PKHD1: variants seen among roughly 807,000 people sequenced by gnomAD.
PKHD1 encodes the protein fibrocystin.
A neutral mutation model predicts 412.0 loss-of-function variants in PKHD1; 291 were observed. The ratio of observed to expected loss-of-function variants is 0.71; its 90% CI spans 0.64 to 0.78. The LOEUF (loss-of-function observed/expected upper bound fraction) is 0.78. PKHD1 is among the 30% of genes least tolerant of loss of function. PKHD1 has a pLI of 0.00. For synonymous variants in PKHD1, 1,777 were observed against 1,821.5 expected (o/e 0.98, Z 0.62); for missense variants, 4,825 against 4,950.7 (o/e 0.97, Z 0.76).
chr6:52,017,467 A>T lies in PKHD1; in HGVS notation c.5543T>A (p.Phe1848Tyr). The change falls in exon 34 of 67, where the codon TTT becomes TAT. Residue 1848 changes from phenylalanine to tyrosine, a missense_variant. Physicochemically the swap from Phe to Tyr is conservative, Grantham distance 22. Transcript: ENST00000371117. ...TGACTCTGCCCAATGATCTGGCACA[A>T]AGAGGCATTGGGAACTTTCCTCGCA... ...YICEESSQCL[F>Y]VPDHWAESMF... 1 of 1,614,118 alleles carries T rather than the reference A, an allele frequency of 6.2e-7. No individual in the cohort carries two copies. The highest frequency in any genetic ancestry group is 8.5e-7 in the Non-Finnish European group (1 of 1,179,940).
intron 49 of PKHD1, among the ~76,000 whole-genome samples, chr6:51,852,016 T>G (rs747946663): frequency 6.6e-6 from 1 of 152,238 alleles, no homozygotes; most frequent in African/African-American, 2.4e-5. Flanking sequence ...ATTTGAGATC[T>G]TTCTAGCTTT....
chr6:51,916,384 G>A (rs9463737), intron 37 of PKHD1, among the ~76,000 whole-genome samples: 5,390 of 152,092 alleles, frequency 0.035, 346 homozygotes, highest in African/African-American at 0.12. Context: ...GAAATCTTTG[G>A]TTTTTTATTT....
intron 52 of PKHD1, among the ~76,000 whole-genome samples, chr6:51,815,457 G>A (rs1201877275): frequency 2.0e-5 from 3 of 152,130 alleles, no homozygotes; most frequent in African/African-American, 7.2e-5. Context: ...TGAAAGAGAG[G>A]TTTAGGGTGG....
At chr6:51,909,567 G>GA (rs1782653041) in intron 39 of PKHD1, 93 bp from the exon 40 acceptor site, 3 of 903,726 alleles carry the variant, frequency 3.3e-6, no homozygotes, top group Non-Finnish European at 5.6e-6. Context: ...CAGCACCGAG[G>GA]AAAAACCATT....
At chr6:51,744,147 C>T (rs537568493) in intron 60 of PKHD1, among the ~76,000 whole-genome samples, 5 of 152,352 alleles carry the variant, frequency 3.3e-5, no homozygotes, top group African/African-American at 1.2e-4. Context: ...CATTGAGAAT[C>T]TGCACTTTTG....
intron 25 of PKHD1, 21 bp downstream of exon 25, chr6:52,044,945 G>C (rs749500161): frequency 2.4e-5 from 38 of 1,612,660 alleles, no homozygotes; most frequent in East Asian, 1.1e-4. Flanking sequence ...CTTGCACTTA[G>C]GGTGGCCCAT....
At chr6:51,933,638 G>A (rs769202296) in intron 37 of PKHD1, among the ~76,000 whole-genome samples, 12 of 152,200 alleles carry the variant, frequency 7.9e-5, no homozygotes, top group Non-Finnish European at 1.6e-4. Context: ...TGTCGTCTTC[G>A]TTCAGGTTCT....
intron 61 of PKHD1, among the ~76,000 whole-genome samples, chr6:51,655,588 C>G (rs9296659): frequency 0.091 from 13,770 of 152,086 alleles, 1,223 homozygotes; most frequent in African/African-American, 0.23. Flanking sequence ...ATGTGATATG[C>G]CATATTACTT....
At chr6:51,895,906 G>A (rs1227523667) in intron 43 of PKHD1, among the ~76,000 whole-genome samples, 1 of 152,062 alleles carries the variant, frequency 6.6e-6, no homozygotes, top group African/African-American at 2.4e-5. Flanking sequence ...AAGGGGTGAT[G>A]GACGGCACCT....
rs2128146375 is a variant in PKHD1, at chr6:52,026,024, A to C, written c.3786T>G (p.Ala1262=). 1.2e-6 allele frequency: 2 copies of C among 1,614,114 alleles called. No homozygotes were observed. Among genetic ancestry groups the C allele is most frequent in the Non-Finnish European group, 1.7e-6 (2 of 1,180,030 alleles). The part of the protein sequence containing the change: ...LPAPQIPDAG[A]PTVPAAVEVW... ...CCTCCACGGCAGCTGGAACAGTGGG[A>C]GCGCCCGCATCGGGTATCTGGGGGG... The change falls in exon 32 of 67, where the codon GCT becomes GCG. Residue 1262 remains alanine (A), a synonymous_variant. Coordinates refer to ENST00000371117, the MANE Select transcript of PKHD1 (RefSeq NM_138694.4).
At chr6:51,924,970 A>C (rs1454763714) in intron 37 of PKHD1, among the ~76,000 whole-genome samples, 1 of 152,228 alleles carries the variant, frequency 6.6e-6, no homozygotes, top group Non-Finnish European at 1.5e-5. Flanking sequence ...ATCATGAGAA[A>C]TGTCTTAAAA....
At chr6:51,735,911 G>A (rs575396463) in intron 60 of PKHD1, among the ~76,000 whole-genome samples, 170 of 152,234 alleles carry the variant, frequency 1.1e-3, no homozygotes, top group African/African-American at 3.8e-3. Context: ...TCTGGCCTGG[G>A]CGACAGAGTG....
chr6:51,709,447 A>AG (rs1207803941), intron 60 of PKHD1, among the ~76,000 whole-genome samples: 1 of 152,162 alleles, frequency 6.6e-6, no homozygotes, highest in East Asian at 1.9e-4. Context: ...TTTCCCTCTC[A>AG]AGAGTATCTC....
intron 55 of PKHD1, among the ~76,000 whole-genome samples, chr6:51,762,755 T>G (rs1788253642): frequency 6.6e-6 from 1 of 151,890 alleles, no homozygotes; most frequent in Non-Finnish European, 1.5e-5. Context: ...AGACAAAGAC[T>G]TATTGAATTG....
At chr6:51,975,482 A>G (rs1794251620) in intron 35 of PKHD1, among the ~76,000 whole-genome samples, 1 of 152,138 alleles carries the variant, frequency 6.6e-6, no homozygotes, top group African/African-American at 2.4e-5. Context: ...TAAAGTGGGC[A>G]AAGGACTTGA....
chr6:51,617,527 T>C lies in PKHD1; in HGVS notation c.*1554A>G, dbSNP rs1260139073. ...TTGCAAATCATTCCCTGAACACAGA[T>C]AGCCTGGATTGAAATCTCCTGGAGA... On this transcript the variant is annotated 3_prime_UTR_variant, in exon 67 of 67. Transcript: ENST00000371117. 1 of 152,176 alleles carries C rather than the reference T, an allele frequency of 6.6e-6. No individual in the cohort carries two copies. The highest frequency in any genetic ancestry group is 1.9e-4 in the East Asian group (1 of 5,186). 9.4% of individuals were successfully genotyped at this position (152,176 alleles called of 1,614,324 possible).
At chr6:51,921,264 C>A (rs116807104) in intron 37 of PKHD1, among the ~76,000 whole-genome samples, 1 of 152,076 alleles carries the variant, frequency 6.6e-6, no homozygotes, top group Non-Finnish European at 1.5e-5. Context: ...GCAATTAGTG[C>A]GATAAATTAT....
At chr6:51,854,403 T>C (rs573591433) in intron 49 of PKHD1, among the ~76,000 whole-genome samples, 3 of 152,148 alleles carry the variant, frequency 2.0e-5, no homozygotes, top group Admixed American at 1.3e-4. Flanking sequence ...TCTCACCCAG[T>C]TTGGTGGCAT....
intron 24 of PKHD1, 120 bp downstream of exon 24, chr6:52,045,884 A>C: frequency 1.3e-6 from 1 of 763,094 alleles, no homozygotes; most frequent in Non-Finnish European, 2.3e-6. Flanking sequence ...CCCTTTACTC[A>C]AATATTCCAA....
Sources: gnomAD v4.1 joint callset for allele counts (sites outside exome capture counted in the v4.1 genomes callset) on GRCh38, gnomAD v4.1.1 for gene constraint, MANE v1.5 for transcripts, NCBI Gene and HGNC (gene_info 2026-07-23, HGNC 2026-07-21) for gene names.